DST: variants seen among roughly 807,000 people sequenced by gnomAD.
DST encodes the protein dystonin.
A neutral mutation model predicts 875.2 loss-of-function variants in DST; 253 were observed. The observed-to-expected ratio is 0.29, with a 90% confidence interval of 0.26 to 0.32. The LOEUF is 0.32. Ranked by LOEUF, DST falls within the 10% of genes least tolerant of loss-of-function variation. DST has a pLI of 1.00. For synonymous variants in DST, 3,124 were observed against 3,197.1 expected, an observed-to-expected ratio of 0.98 and a Z score of 0.77; for missense variants, 8,287 against 9,111.6, an observed-to-expected ratio of 0.91 and a Z score of 3.68.
chr6:56,639,987 T>A lies in DST; in HGVS notation c.2561A>T (p.Asn854Ile). 1 of 1,613,918 alleles carries A rather than the reference T, an allele frequency of 6.2e-7. No homozygotes were observed. Among genetic ancestry groups the A allele is most frequent in the African/African-American group, 1.3e-5 (1 of 75,054 alleles). ...AAATTCTTCAATAGCTCTATGAACA[T>A]TTTTATGATTTTCTAAATGGCTTTC... is the stretch of plus-strand genomic sequence containing the variant. ...SVESHLENHK[N>I]VHRAIEEFES... The change falls in exon 19 of 104, where the codon AAT becomes ATT. Residue 854 changes from asparagine to isoleucine, a missense_variant. Physicochemically the swap from Asn to Ile is moderately radical, Grantham distance 149. Around this residue, in one of 10 missense-constraint regions of DST, gnomAD observed 1,160 missense variants for 1,424.3 expected, o/e 0.81. Transcript: ENST00000680361.
intron 4 of DST, among the ~76,000 whole-genome samples, chr6:56,815,730 T>C (rs1436063287): frequency 6.6e-6 from 1 of 152,306 alleles, no homozygotes; most frequent in Non-Finnish European, 1.5e-5. Context: ...TGAAAGTAGA[T>C]TATAAAATAT....
chr6:56,491,458 C>T (rs35926142), intron 85 of DST, among the ~76,000 whole-genome samples: 34,511 of 152,028 alleles, frequency 0.23, 4,512 homozygotes, highest in Middle Eastern at 0.41. Flanking sequence ...GAGGTAGGTA[C>T]ACCTCTCTCT....
chr6:56,531,083 A>T (rs868432557), intron 64 of DST, among the ~76,000 whole-genome samples: 2 of 152,204 alleles, frequency 1.3e-5, no homozygotes, highest in Middle Eastern at 3.2e-3. Flanking sequence ...CTTTCAGTTG[A>T]TATATTTGAT....
chr6:56,923,739 A>G (rs1805486742), intron 2 of DST, among the ~76,000 whole-genome samples: 1 of 152,164 alleles, frequency 6.6e-6, no homozygotes, highest in Admixed American at 6.5e-5. Context: ...TTGTTTTATT[A>G]AGGCCTTCAT....
intron 87 of DST, among the ~76,000 whole-genome samples, chr6:56,486,362 CA>C (rs61164880): frequency 0.068 from 2,301 of 33,938 alleles, 5 homozygotes; most frequent in African/African-American, 0.14. Flanking sequence ...GACTCCGTCT[CA>C]AAAAAAAAAA....
At position 56,555,576 on chromosome 6, in the gene DST, T is replaced by C; in HGVS notation, c.14905A>G (p.Lys4969Glu). 1 of 1,614,066 alleles carries C rather than the reference T, an allele frequency of 6.2e-7. No homozygotes were observed. The highest frequency in any genetic ancestry group is 8.5e-7 in the Non-Finnish European group (1 of 1,179,896). ...CTCACAGCCAGACTGCTGCTGAGTT[T>C]ATTATCCAAGTCACTCAGTTTATCA... ...LSDKLSDLDNKLSSSLAVSTH... is the reference protein window; with the variant it reads ...LSDKLSDLDNELSSSLAVSTH... Residue 4969 changes from lysine (K) to glutamate (E), a missense_variant, in exon 60 of 104, where the codon AAA becomes GAA. Physicochemically the swap from Lys to Glu is moderately conservative, Grantham distance 56. Transcript: ENST00000680361.
rs540989404 is a variant in DST, at chr6:56,565,125, C to CTT, written c.14006-2927_14006-2926dup. On this transcript the variant is annotated intron_variant, in intron 55 of 103. Transcript: ENST00000680361. ...TCTTTCTCTTTTCTTTTTTTTTTTT[C>CTT]TTTTTTTTTTTTTGTGACGGAGTAT... Among the ~76,000 whole-genome samples, 69 of 122,794 alleles carry CTT rather than the reference C, an allele frequency of 5.6e-4. 1 individual carries two copies. Among genetic ancestry groups the CTT allele is most frequent in the African/African-American group, 1.2e-3 (41 of 33,102 alleles). The allele number at this position is 122,794 out of a possible 152,430, so 80.6% of individuals were successfully genotyped here.
At chr6:56,640,914 A>G (rs566372848) in intron 17 of DST, among the ~76,000 whole-genome samples, 4 of 152,322 alleles carry the variant, frequency 2.6e-5, no homozygotes, top group Non-Finnish European at 4.4e-5. Context: ...ATTTTTTTCA[A>G]TGAGCATTGT....
At chr6:56,827,836 G>A (rs996651422) in intron 4 of DST, among the ~76,000 whole-genome samples, 1 of 152,102 alleles carries the variant, frequency 6.6e-6, no homozygotes, top group African/African-American at 2.4e-5. Context: ...ACGGAGTTGG[G>A]CTACCATTCA....
chr6:56,677,535 G>A (rs554371127), intron 9 of DST, among the ~76,000 whole-genome samples: 3 of 152,210 alleles, frequency 2.0e-5, no homozygotes, highest in Non-Finnish European at 2.9e-5. Context: ...TCCACGAACT[G>A]CTGGCTTCAA....
intron 4 of DST, among the ~76,000 whole-genome samples, chr6:56,794,907 C>G (rs746829191): frequency 6.6e-6 from 1 of 152,172 alleles, no homozygotes; most frequent in Admixed American, 6.6e-5. Flanking sequence ...GGAGTTCCCC[C>G]ACTGCAATGA....
At chr6:56,525,619 T>C (rs569043000) in intron 69 of DST, among the ~76,000 whole-genome samples, 3 of 152,352 alleles carry the variant, frequency 2.0e-5, no homozygotes, top group African/African-American at 7.2e-5. Flanking sequence ...TGCTCTAAAG[T>C]ACAGTGCAAT....
At chr6:56,820,320 T>C (rs966767260) in intron 4 of DST, among the ~76,000 whole-genome samples, 8 of 152,240 alleles carry the variant, frequency 5.3e-5, no homozygotes, top group African/African-American at 1.9e-4. Context: ...TTTTCAGTAG[T>C]ATGCTAGAGC....
At position 56,573,066 on chromosome 6, in the gene DST, TA is replaced by T. The variant is rs2097800255; in HGVS notation, c.13237-3del. 6.5e-7 allele frequency: 1 copy of T among 1,533,066 alleles called. No individual in the cohort carries two copies. Among genetic ancestry groups the T allele is most frequent in the Non-Finnish European group, 8.7e-7 (1 of 1,143,076 alleles). 95.0% of individuals were successfully genotyped at this position (1,533,066 alleles called of 1,614,324 possible). ...ACCTGCAATATCCTGTTCCAACATC[TA>T]AAATAAACCAAATATTGCATATCTT... is the stretch of plus-strand genomic sequence containing the variant. On this transcript the variant is annotated splice_polypyrimidine_tract_variant and splice_region_variant and intron_variant, in intron 51 of 103. Coordinates refer to ENST00000680361, the MANE Select transcript of DST (RefSeq NM_001374736.1).
At chr6:56,517,087 G>T in intron 71 of DST, 111 bp downstream of exon 71, 2 of 769,782 alleles carry the variant, frequency 2.6e-6, no homozygotes, top group Admixed American at 2.3e-5. Flanking sequence ...AATTATTTTT[G>T]CTGCTTAAAT....
intron 4 of DST, among the ~76,000 whole-genome samples, chr6:56,827,538 T>C (rs900495717): frequency 2.9e-5 from 4 of 135,980 alleles, no homozygotes; most frequent in African/African-American, 5.4e-5. Flanking sequence ...GGTAAAACAA[T>C]AGCAACAATA....
At chr6:56,486,831 G>A (rs537944894) in intron 87 of DST, among the ~76,000 whole-genome samples, 37 of 152,256 alleles carry the variant, frequency 2.4e-4, no homozygotes, top group South Asian at 6.2e-4. Context: ...AGTGGACATG[G>A]GAAGACGAGT....
At chr6:56,629,547 AATAAG>A (rs1451341836) in intron 31 of DST, 104 bp from the exon 32 acceptor site, 3 of 870,414 alleles carry the variant, frequency 3.4e-6, no homozygotes, top group East Asian at 5.3e-5. Context: ...ACAGGTAGAA[AATAAG>A]ATAAAGGAAA....
intron 1 of DST, among the ~76,000 whole-genome samples, 186 bp downstream of exon 1, chr6:56,954,221 G>A (rs1592932100): frequency 6.6e-6 from 1 of 152,170 alleles, no homozygotes; most frequent in Non-Finnish European, 1.5e-5. Flanking sequence ...ATTCAAACCT[G>A]GGAGACTGGA....
Sources: allele counts gnomAD v4.1 joint callset (sites outside exome capture counted in the v4.1 genomes callset), GRCh38; gene constraint gnomAD v4.1.1; regional missense constraint gnomAD v4.1.1; transcripts MANE v1.5; gene names NCBI Gene and HGNC (gene_info 2026-07-23, HGNC 2026-07-21).